SYNDIG1L: variants seen among roughly 807,000 people sequenced by gnomAD.
SYNDIG1L encodes the protein synapse differentiation inducing 1 like.
SYNDIG1L carries 13 observed loss-of-function variants against 20.1 expected under a neutral mutation model. The observed-to-expected ratio is 0.65, with a 90% CI of 0.42 to 1.03. The LOEUF (loss-of-function observed/expected upper bound fraction) is 1.03, where lower values mean the gene tolerates loss of function less well. Among genes scored for constraint, SYNDIG1L ranks in the 50% least tolerant of loss-of-function variants. The pLI is 0.00. For synonymous variants in SYNDIG1L, 128 were observed against 129.3 expected (o/e 0.99, Z 0.07); for missense variants, 294 against 305.1 (o/e 0.96, Z 0.27).
the SYNDIG1L span, chr14:74,476,357 G>C: frequency 4.8e-4 from 337 of 699,920 alleles, no homozygotes; most frequent in African/African-American, 5.1e-3. Context: ...CCCACTGGCA[G>C]TCAGAGCTAA....
intron 1 of SYNDIG1L, among the ~76,000 whole-genome samples, chr14:74,423,410 C>T (rs571283559): frequency 3.9e-5 from 6 of 152,286 alleles, no homozygotes; most frequent in South Asian, 2.1e-4. Flanking sequence ...CTGCTGCTGC[C>T]GTCACTTTGT....
the SYNDIG1L span, among the ~76,000 whole-genome samples, chr14:74,471,106 A>G: frequency 6.6e-6 from 1 of 152,134 alleles, no homozygotes; most frequent in Non-Finnish European, 1.5e-5. Context: ...CAATCGCTGG[A>G]AGCTAAATGT....
At chr14:74,423,683 G>A (rs1326444067) in intron 1 of SYNDIG1L, among the ~76,000 whole-genome samples, 1 of 52,480 alleles carries the variant, frequency 1.9e-5, no homozygotes, top group African/African-American at 8.1e-5. Flanking sequence ...CATTTTGATT[G>A]ATATATATAT....
At chr14:74,440,246 T>G in the SYNDIG1L span, among the ~76,000 whole-genome samples, 2 of 150,850 alleles carry the variant, frequency 1.3e-5, no homozygotes, top group Non-Finnish European at 2.9e-5. Flanking sequence ...CCGGGCGCGG[T>G]GGCTCACACC....
the SYNDIG1L span, among the ~76,000 whole-genome samples, chr14:74,442,819 G>C: frequency 1.1e-3 from 165 of 152,346 alleles, no homozygotes; most frequent in African/African-American, 3.6e-3. Context: ...AGATGGGTTG[G>C]AGTGGGAGAT....
At chr14:74,459,970 C>G in the SYNDIG1L span, among the ~76,000 whole-genome samples, 6 of 152,156 alleles carry the variant, frequency 3.9e-5, no homozygotes, top group Non-Finnish European at 8.8e-5. Flanking sequence ...TCTAGGATTC[C>G]CCTTCCCTCC....
the SYNDIG1L span, among the ~76,000 whole-genome samples, chr14:74,470,868 G>T: frequency 1.3e-5 from 2 of 152,148 alleles, no homozygotes; most frequent in African/African-American, 2.4e-5. Context: ...ACTGTTTAGG[G>T]CTTTGCAGTT....
the SYNDIG1L span, chr14:74,480,002 G>C: frequency 1.4e-6 from 2 of 1,421,352 alleles, no homozygotes; most frequent in Non-Finnish European, 1.8e-6. Flanking sequence ...TGTAGAAAGA[G>C]GCCACAAGTT....
At chr14:74,453,723 TGGG>T in the SYNDIG1L span, among the ~76,000 whole-genome samples, 1 of 151,970 alleles carries the variant, frequency 6.6e-6, no homozygotes, top group African/African-American at 2.4e-5. Flanking sequence ...GAAGCCAAGG[TGGG>T]CAGATCACTT....
the SYNDIG1L span, among the ~76,000 whole-genome samples, chr14:74,477,088 A>ACACACACACT: frequency 5.3e-5 from 4 of 74,890 alleles, no homozygotes; most frequent in African/African-American, 2.6e-4. Flanking sequence ...ACACACACAC[A>ACACACACACT]CAACCCTGTC....
the SYNDIG1L span, among the ~76,000 whole-genome samples, chr14:74,432,551 G>T: frequency 1.3e-5 from 2 of 152,168 alleles, no homozygotes; most frequent in African/African-American, 4.8e-5. Flanking sequence ...TGAGAGAGAG[G>T]TACAATAGAG....
chr14:74,476,582 C>T, the SYNDIG1L span: 4 of 1,535,484 alleles, frequency 2.6e-6, no homozygotes, highest in African/African-American at 1.4e-5. Flanking sequence ...AGAGAACAGG[C>T]ATGGGAACAT....
chr14:74,462,993 C>G, the SYNDIG1L span, among the ~76,000 whole-genome samples: 5 of 152,192 alleles, frequency 3.3e-5, no homozygotes, highest in Admixed American at 6.5e-5. Context: ...ACTAACAAGG[C>G]TGAGAATACC....
chr14:74,407,962 T>G lies in SYNDIG1L; in HGVS notation c.445A>C (p.Ser149Arg). The G allele has an allele frequency of 6.2e-7, 1 of 1,613,164 alleles. No individual in the cohort carries two copies. Among genetic ancestry groups the G allele is most frequent in the Non-Finnish European group, 8.5e-7 (1 of 1,179,512 alleles). The change falls in exon 3 of 4, where the codon AGT (serine) becomes CGT (arginine). Residue 149 changes from serine (S) to arginine (R), a missense_variant. Ser to Arg is a moderately radical substitution (Grantham distance 110). Transcript: ENST00000331628. ...ESDATSTESE[S>R]EDNFLTLPPR... is the part of the protein sequence containing the mutation. The stretch of plus-strand genomic sequence containing the variant: ...GGCAGCGTGAGGAAGTTGTCTTCAC[T>G]TTCACTCTCCGTTGAAGTGGCATCG...
chr14:74,409,298 G>T, intron 2 of SYNDIG1L, 30 bp downstream of exon 2: 1 of 1,392,168 alleles, frequency 7.2e-7, no homozygotes, highest in Admixed American at 2.6e-5. Context: ...TGCTCATGCT[G>T]GAATCTGCAT....
At chr14:74,443,159 A>G in the SYNDIG1L span, among the ~76,000 whole-genome samples, 410 of 152,310 alleles carry the variant, frequency 2.7e-3, 2 homozygotes, top group African/African-American at 9.4e-3. Context: ...TCAACCTCCT[A>G]GAAATACAAC....
the SYNDIG1L span, chr14:74,480,015 T>C: frequency 6.9e-7 from 1 of 1,455,780 alleles, no homozygotes; most frequent in South Asian, 1.4e-5. Flanking sequence ...CACAAGTTAA[T>C]GTTGTTAAAA....
At chr14:74,412,064 G>A (rs1245246593) in intron 1 of SYNDIG1L, among the ~76,000 whole-genome samples, 2 of 152,234 alleles carry the variant, frequency 1.3e-5, no homozygotes, top group African/African-American at 4.8e-5. Context: ...GGCAGGTCAT[G>A]CAGACTTGGA....
chr14:74,430,682 G>A (rs1282013377), upstream of SYNDIG1L, among the ~76,000 whole-genome samples: 2 of 152,084 alleles, frequency 1.3e-5, no homozygotes, highest in African/African-American at 2.4e-5. Context: ...TGATCCACCC[G>A]CCTTGGCCTC....
Sources: allele counts gnomAD v4.1 joint callset (sites outside exome capture counted in the v4.1 genomes callset), GRCh38; gene constraint gnomAD v4.1.1; transcripts MANE v1.5; gene names NCBI Gene and HGNC (gene_info 2026-07-23, HGNC 2026-07-21).